The following EP300 variants were observed in gnomAD, a reference collection of about 807,000 sequenced individuals.
EP300 encodes the protein EP300 lysine acetyltransferase, also known as histone acetyltransferase p300.
EP300 carries 31 observed loss-of-function variants against 264.0 expected under a neutral mutation model. The observed-to-expected ratio is 0.12, with a 90% confidence interval of 0.09 to 0.16. The LOEUF (loss-of-function observed/expected upper bound fraction) is 0.16, where lower values mean the gene tolerates loss of function less well. EP300 is among the 10% of genes least tolerant of loss of function. The pLI is 1.00. For missense variants in EP300, 2,766 were observed against 3,052.9 expected (o/e 0.91, Z 2.21); for synonymous variants, 1,340 against 1,045.4 (o/e 1.28, Z -5.44).
intron 18 of EP300, 58 bp from the exon 19 acceptor site, chr22:41,158,354 A>T (rs186735921): frequency 1.3e-4 from 177 of 1,402,792 alleles, no homozygotes; most frequent in Admixed American, 2.6e-4. Context: ...TGCCATTCTT[A>T]CTGTTCTAGC....
At chr22:41,115,817 G>T (rs948432718) in intron 1 of EP300, among the ~76,000 whole-genome samples, 1 of 152,208 alleles carries the variant, frequency 6.6e-6, no homozygotes, top group African/African-American at 2.4e-5. Flanking sequence ...TATTCTGTAG[G>T]CTACAGGTCA....
chr22:41,137,609 C>G (rs778092749), intron 7 of EP300, 44 bp from the exon 8 acceptor site: 144 of 1,613,510 alleles, frequency 8.9e-5, no homozygotes, highest in Non-Finnish European at 1.2e-4. Context: ...GAGGTCTTCT[C>G]CTACCTTTCT....
chr22:41,114,296 C>G (rs79639815), intron 1 of EP300, among the ~76,000 whole-genome samples: 2,688 of 152,266 alleles, frequency 0.018, 71 homozygotes, highest in African/African-American at 0.062. Context: ...ATCCTCCTTC[C>G]TCAGCCTCCC....
chr22:41,146,601 C>G lies in EP300; in HGVS notation c.2054-138C>G, dbSNP rs529378138. 1.8e-4 allele frequency: 134 copies of G among 761,996 alleles called. 1 individual carries two copies. Among genetic ancestry groups the G allele is most frequent in the South Asian group, 2.6e-4 (17 of 65,950 alleles). 47.2% of individuals were successfully genotyped at this position (761,996 alleles called of 1,614,324 possible). ...ATTTTCTTCAAGCTTCTGTCTAGTT[C>G]AGAGCTTTATTTTGTGATTCATACT... On this transcript the variant is annotated intron_variant, in intron 10 of 30. Coordinates refer to ENST00000263253, the MANE Select transcript of EP300 (RefSeq NM_001429.4).
intron 10 of EP300, among the ~76,000 whole-genome samples, chr22:41,143,408 T>C (rs1185963361): frequency 6.6e-6 from 1 of 152,216 alleles, no homozygotes; most frequent in Non-Finnish European, 1.5e-5. Context: ...GCTGTGATTG[T>C]GCCACTGCAC....
intron 1 of EP300, among the ~76,000 whole-genome samples, chr22:41,110,400 C>G (rs1446803106): frequency 1.5e-5 from 2 of 135,984 alleles, no homozygotes; most frequent in Non-Finnish European, 3.1e-5. Context: ...TCAACTGATT[C>G]TCCTGCCTCA....
chr22:41,154,098 A>C (rs757127222), intron 16 of EP300, among the ~76,000 whole-genome samples: 1 of 152,190 alleles, frequency 6.6e-6, no homozygotes, highest in Non-Finnish European at 1.5e-5. Context: ...TTGATCAACT[A>C]AGTCTATTAT....
chr22:41,166,762 A>G, intron 23 of EP300, 96 bp downstream of exon 23: 1 of 735,552 alleles, frequency 1.4e-6, no homozygotes, highest in Non-Finnish European at 2.3e-6. Flanking sequence ...TAATCACAGT[A>G]ATAGAGTAAA....
rs756783773 is a variant in EP300, at chr22:41,169,506, A to G, written c.4176A>G (p.Arg1392=). ...CATTTCTCTTCATTTTGTATAGGAG[A>G]GTATACATATCTTACCTCGATAGTG... ...GSDCPPPNQR[R]VYISYLDSVH... The change falls in exon 26 of 31, where the codon AGA becomes AGG. Residue 1392 remains arginine (R), a synonymous_variant. Coordinates refer to ENST00000263253, the MANE Select transcript of EP300 (RefSeq NM_001429.4). 1.2e-5 allele frequency: 19 copies of G among 1,587,002 alleles called. 1 individual carries two copies. In the South Asian group the frequency reaches 2.1e-4, roughly 18 times the overall value.
intron 26 of EP300, among the ~76,000 whole-genome samples, chr22:41,170,090 T>TA (rs2059161266): frequency 6.6e-6 from 1 of 152,262 alleles, no homozygotes; most frequent in Non-Finnish European, 1.5e-5. Flanking sequence ...CTTTGCAGTG[T>TA]AATCTTCATT....
At chr22:41,099,970 A>G (rs2058722221) in intron 1 of EP300, among the ~76,000 whole-genome samples, 1 of 152,162 alleles carries the variant, frequency 6.6e-6, no homozygotes, top group South Asian at 2.1e-4. Flanking sequence ...TAATCCTGGC[A>G]CTTTGGGAGA....
At chr22:41,152,407 C>T (rs2145741376) in intron 16 of EP300, 57 bp downstream of exon 16, 1 of 1,571,820 alleles carries the variant, frequency 6.4e-7, no homozygotes, top group South Asian at 1.2e-5. Flanking sequence ...AGACCCAGGG[C>T]AGAATTGCGG....
chr22:41,147,261 G>A (rs1329408422), intron 11 of EP300, among the ~76,000 whole-genome samples: 3 of 150,462 alleles, frequency 2.0e-5, no homozygotes, highest in Admixed American at 6.6e-5. Flanking sequence ...AGGCGAGATC[G>A]CGCCACTGGA....
At chr22:41,156,572 GTAAC>G (rs1246722454) in intron 17 of EP300, among the ~76,000 whole-genome samples, 2 of 151,996 alleles carry the variant, frequency 1.3e-5, no homozygotes, top group Admixed American at 6.6e-5. Flanking sequence ...AATATAAAAA[GTAAC>G]TGGGCGTGGT....
intron 1 of EP300, among the ~76,000 whole-genome samples, chr22:41,102,542 A>T (rs753727554): frequency 1.2e-4 from 18 of 152,192 alleles, no homozygotes; most frequent in Non-Finnish European, 2.4e-4. Flanking sequence ...TGGAGGGCTT[A>T]TAATACAGGA....
rs764698803 is a variant in EP300 at position 41,149,920 on chromosome 22, C to A, written c.2539C>A (p.Pro847Thr). The change falls in exon 14 of 31, where the codon CCA becomes ACA. Residue 847 changes from proline (P) to threonine (T), a missense_variant. Physicochemically the swap from Pro to Thr is conservative, Grantham distance 38 (BLOSUM62 -1). Transcript: ENST00000263253. ...SRTPTPHHTP[P>T]SIGAQQPPAT... ...TACCCCCACCCCTCACCATACTCCC[C>A]CAAGCATAGGGGCTCAGCAGCCACC... 6.2e-7 allele frequency: 1 copy of A among 1,613,940 alleles called. No individual in the cohort carries two copies. The highest frequency in any genetic ancestry group is 8.5e-7 in the Non-Finnish European group (1 of 1,179,974).
intron 1 of EP300, among the ~76,000 whole-genome samples, chr22:41,101,322 C>T (rs1268497961): frequency 2.0e-5 from 3 of 152,048 alleles, no homozygotes; most frequent in South Asian, 2.1e-4. Flanking sequence ...CTGCCCACCT[C>T]GGCCTCCCAA....
intron 1 of EP300, among the ~76,000 whole-genome samples, chr22:41,111,757 C>G (rs1013599825): frequency 2.6e-5 from 4 of 151,576 alleles, no homozygotes; most frequent in Non-Finnish European, 4.4e-5. Context: ...TCAGGCTGGT[C>G]TCGAACACCC....
intron 2 of EP300, among the ~76,000 whole-genome samples, chr22:41,122,630 T>C (rs1055857081): frequency 5.3e-5 from 8 of 152,176 alleles, no homozygotes; most frequent in Non-Finnish European, 1.2e-4. Flanking sequence ...CTTTTTTTTT[T>C]CATTTTTTGG....
Sources: gnomAD v4.1 joint callset for allele counts (sites outside exome capture counted in the v4.1 genomes callset) on GRCh38, gnomAD v4.1.1 for gene constraint, MANE v1.5 for transcripts, NCBI Gene and HGNC (gene_info 2026-07-23, HGNC 2026-07-21) for gene names.